The following ARHGAP32 variants were observed in gnomAD, a reference collection of about 807,000 sequenced individuals.
ARHGAP32 encodes Rho GTPase activating protein 32.
In ARHGAP32, 51 loss-of-function variants were observed where a neutral mutation model predicts 186.5. The ratio of observed to expected loss-of-function variants is 0.27; its 90% confidence interval spans 0.22 to 0.35. The LOEUF (loss-of-function observed/expected upper bound fraction) is 0.35. ARHGAP32 is among the 10% of genes least tolerant of loss of function. The pLI is 1.00. For missense variants in ARHGAP32, 2,186 were observed against 2,623.5 expected (o/e 0.83, Z 3.64); for synonymous variants, 950 against 964.3 (o/e 0.99, Z 0.27).
intron 2 of ARHGAP32, among the ~76,000 whole-genome samples, chr11:129,127,940 C>T (rs914503576): frequency 5.3e-5 from 8 of 152,180 alleles, no homozygotes; most frequent in African/African-American, 1.2e-4. Context: ...TACATTTAAA[C>T]TCTCTATGTG....
At chr11:129,265,231 C>T (rs775735799) in intron 1 of ARHGAP32, among the ~76,000 whole-genome samples, 3 of 152,232 alleles carry the variant, frequency 2.0e-5, no homozygotes, top group Non-Finnish European at 2.9e-5. Flanking sequence ...CCTATCATCA[C>T]GGTAAAGAGC....
intron 1 of ARHGAP32, among the ~76,000 whole-genome samples, chr11:129,200,253 T>C (rs10893990): frequency 0.2 from 29,681 of 152,010 alleles, 3,092 homozygotes; most frequent in Non-Finnish European, 0.23. Context: ...CATGACTGGT[T>C]TGAAATGTAA....
At chr11:129,101,473 G>C (rs1941897029) in intron 5 of ARHGAP32, among the ~76,000 whole-genome samples, 1 of 152,152 alleles carries the variant, frequency 6.6e-6, no homozygotes, top group African/African-American at 2.4e-5. Flanking sequence ...CAATACAGGA[G>C]CTGACAGACA....
Position 129,106,666 on chromosome 11 carries a change from C to T in ARHGAP32, c.445-12959G>A, listed in dbSNP as rs151212233. Reference sequence around the variant, plus strand: ...AATAAATACACTTGTACATGTACTCCCTGAATCTAATATAAAAGTTGAAAA... The same window carrying T: ...AATAAATACACTTGTACATGTACTCTCTGAATCTAATATAAAAGTTGAAAA... On this transcript the variant is annotated intron_variant, in intron 5 of 22. Transcript: ENST00000682385. Among the ~76,000 whole-genome samples the T allele has an allele frequency of 1.5e-3, 226 of 151,880 alleles. 1 individual carries two copies. The highest frequency in any genetic ancestry group is 5.0e-3 in the African/African-American group (209 of 41,388).
At chr11:128,992,316 AT>A (rs1410958194) in intron 12 of ARHGAP32, among the ~76,000 whole-genome samples, 1 of 152,126 alleles carries the variant, frequency 6.6e-6, no homozygotes, top group Non-Finnish European at 1.5e-5. Flanking sequence ...TGTTTTAGTG[AT>A]CTCAATTCAA....
intron 2 of ARHGAP32, among the ~76,000 whole-genome samples, chr11:129,160,737 G>T (rs1222497709): frequency 6.6e-6 from 1 of 152,040 alleles, no homozygotes; most frequent in Non-Finnish European, 1.5e-5. Flanking sequence ...ACTGCCCAAG[G>T]TAATTTATAG....
chr11:129,278,082 T>C (rs982992873), intron 1 of ARHGAP32, among the ~76,000 whole-genome samples: 1 of 152,224 alleles, frequency 6.6e-6, no homozygotes, highest in Non-Finnish European at 1.5e-5. Context: ...CCAATAGAAA[T>C]ACAAACATAG....
chr11:128,996,469 T>A (rs1243471143), intron 12 of ARHGAP32, among the ~76,000 whole-genome samples: 3 of 152,206 alleles, frequency 2.0e-5, no homozygotes. Context: ...TTCATGTTTT[T>A]TGTTTAAATC....
At chr11:129,169,371 G>A (rs1943705710) in intron 1 of ARHGAP32, among the ~76,000 whole-genome samples, 1 of 151,872 alleles carries the variant, frequency 6.6e-6, no homozygotes, top group Admixed American at 6.6e-5. Flanking sequence ...GTGGCTCAAG[G>A]CTGTAATCCC....
rs950227843 is a variant in ARHGAP32, at chr11:128,970,450, A to C, written c.4763T>G (p.Ile1588Ser). 1.2e-6 allele frequency: 2 copies of C among 1,614,158 alleles called. No individual in the cohort carries two copies. The highest frequency in any genetic ancestry group is 2.2e-5 in the South Asian group (2 of 91,076). ...TCTCCGGATGGTAGGGTACGGTGGA[A>C]TGTCTTCGGGGTAACAGGTATTCCT... is the stretch of plus-strand genomic sequence containing the variant. ...SVRNTCYPED[I>S]PPYPTIRRVQ... is the part of the protein sequence containing the mutation. Residue 1588 changes from isoleucine (I) to serine (S), a missense_variant, in exon 23 of 23, where the codon ATT becomes AGT. By Grantham distance (142) the Ile-to-Ser change is moderately radical. Coordinates refer to ENST00000682385, the MANE Select transcript of ARHGAP32 (RefSeq NM_001378024.1). The surrounding 1 kb of genome is among the most constrained non-coding windows in gnomAD (Gnocchi z 5.8).
At chr11:129,271,445 TAA>T (rs1945471373) in intron 1 of ARHGAP32, among the ~76,000 whole-genome samples, 1 of 151,988 alleles carries the variant, frequency 6.6e-6, no homozygotes, top group African/African-American at 2.4e-5. Context: ...ACTGAGATGG[TAA>T]AGACTTGGGG....
At chr11:129,031,897 A>G (rs1159960417) in intron 11 of ARHGAP32, among the ~76,000 whole-genome samples, 1 of 152,134 alleles carries the variant, frequency 6.6e-6, no homozygotes, top group African/African-American at 2.4e-5. Flanking sequence ...CGTTTGAGAG[A>G]AGCAGACTGA....
chr11:128,991,990 G>T (rs1441807776), intron 12 of ARHGAP32, among the ~76,000 whole-genome samples: 1 of 152,076 alleles, frequency 6.6e-6, no homozygotes, highest in Non-Finnish European at 1.5e-5. Flanking sequence ...CATCATGAAA[G>T]CATTACAGAT....
chr11:129,275,754 C>T (rs902984195), intron 1 of ARHGAP32, among the ~76,000 whole-genome samples: 4 of 152,180 alleles, frequency 2.6e-5, no homozygotes, highest in Non-Finnish European at 4.4e-5. Context: ...CTGACATTTG[C>T]GTTTTATATC....
intron 1 of ARHGAP32, among the ~76,000 whole-genome samples, chr11:129,259,208 A>C (rs11221621): frequency 6.6e-6 from 1 of 151,940 alleles, no homozygotes; most frequent in Non-Finnish European, 1.5e-5. Context: ...AACAATATAA[A>C]CTAGAACCAG....
intron 1 of ARHGAP32, among the ~76,000 whole-genome samples, chr11:129,235,274 A>C (rs1010677541): frequency 1.3e-5 from 2 of 152,060 alleles, no homozygotes; most frequent in Non-Finnish European, 2.9e-5. Flanking sequence ...GCTACCTAAC[A>C]CAGCACCTGC....
chr11:128,994,109 A>G (rs1219404906), intron 12 of ARHGAP32, among the ~76,000 whole-genome samples: 1 of 152,150 alleles, frequency 6.6e-6, no homozygotes, highest in African/African-American at 2.4e-5. Context: ...TGATATTTGA[A>G]AGCTAATGAG....
rs1942593030 is a variant in ARHGAP32 at position 129,123,830 on chromosome 11, G to A, written c.359+58C>T. ...TTTCGGCAAATGTTATGGAAACTGT[G>A]GACAGCCAGCTTCTAACCAGAAGCA... On this transcript the variant is annotated intron_variant, in intron 4 of 22. Transcript: ENST00000682385. The surrounding 1 kb of genome is among the most constrained non-coding windows in gnomAD (Gnocchi z 4.6). The A allele has an allele frequency of 2.4e-6, 3 of 1,264,614 alleles. No individual in the cohort carries two copies. The highest frequency in any genetic ancestry group is 2.6e-5 in the South Asian group (2 of 76,368). The allele number at this position is 1,264,614 out of a possible 1,614,324, so 78.3% of individuals were successfully genotyped here.
At chr11:129,069,823 T>G (rs1424317553) in intron 6 of ARHGAP32, among the ~76,000 whole-genome samples, 4 of 151,992 alleles carry the variant, frequency 2.6e-5, no homozygotes, top group African/African-American at 9.7e-5. Context: ...TAGGCTCACA[T>G]TTATTACTCC....
Sources: gnomAD v4.1 joint callset for allele counts (sites outside exome capture counted in the v4.1 genomes callset) on GRCh38, gnomAD v4.1.1 for gene constraint, Gnocchi (gnomAD v3.1) non-coding constraint, MANE v1.5 for transcripts, NCBI Gene and HGNC (gene_info 2026-07-23, HGNC 2026-07-21) for gene names.